TNIK: variants seen among roughly 807,000 people sequenced by gnomAD.
TNIK encodes the protein TRAF2 and NCK-interacting protein kinase.
In TNIK, 49 loss-of-function variants were observed where a neutral mutation model predicts 191.3. That is an observed-to-expected ratio of 0.26 (90% CI 0.20 to 0.32). The LOEUF is 0.32. Ranked by LOEUF, TNIK falls within the 10% of genes least tolerant of loss-of-function variation. The pLI, the probability that TNIK is intolerant of heterozygous loss-of-function variation, is 1.00. For missense variants in TNIK, 1,155 were observed against 1,702.3 expected (o/e 0.68, Z 5.66); for synonymous variants, 594 against 600.9 (o/e 0.99, Z 0.17).
At chr3:171,221,439 C>T (rs927370695) in intron 3 of TNIK, among the ~76,000 whole-genome samples, 21 of 152,102 alleles carry the variant, frequency 1.4e-4, no homozygotes, top group African/African-American at 5.1e-4. Context: ...ACATAGCTGT[C>T]ACTTTCTCAG....
chr3:171,213,902 C>T (rs1361785894), intron 3 of TNIK, among the ~76,000 whole-genome samples: 1 of 151,934 alleles, frequency 6.6e-6, no homozygotes, highest in Non-Finnish European at 1.5e-5. Flanking sequence ...ACTTAGATAA[C>T]GGATGTATGT....
At chr3:171,293,172 GA>G (rs1751880019) in intron 2 of TNIK, among the ~76,000 whole-genome samples, 1 of 152,130 alleles carries the variant, frequency 6.6e-6, no homozygotes, top group Non-Finnish European at 1.5e-5. Flanking sequence ...ACTAGAGGAG[GA>G]AACCACAAAT....
intron 2 of TNIK, among the ~76,000 whole-genome samples, chr3:171,343,926 C>G (rs1711715577): frequency 6.6e-6 from 1 of 152,194 alleles, no homozygotes; most frequent in Non-Finnish European, 1.5e-5. Context: ...TCATATGACT[C>G]TGCTCAACCA....
In TNIK at chr3:171,061,661, G is replaced by A. The variant is rs1309312881; in HGVS notation, c.*2220C>T. ...TGCAACATAATTTAAAGAAGCTTCT[G>A]GTTTAAAATACCACAGCAGCAATAT... is the stretch of plus-strand genomic sequence containing the variant. On this transcript the variant is annotated 3_prime_UTR_variant, in exon 33 of 33. Transcript: ENST00000436636. The A allele has an allele frequency of 6.6e-6, 1 of 152,134 alleles. No individual in the cohort carries two copies. The highest frequency in any genetic ancestry group is 1.5e-5 in the Non-Finnish European group (1 of 68,014). The allele number at this position is 152,134 out of a possible 1,614,324, so 9.4% of individuals were successfully genotyped here. A position where few individuals can be genotyped will look rare whatever the true frequency, so the allele number is the denominator to read the frequency against.
Position 171,425,542 on chromosome 3 carries a change from A to G in TNIK, c.57+34465T>C, listed in dbSNP as rs182063990. ...GATTCTATTTGTCCAAAAAAAGGGA[A>G]GAGCTGGGCATGGTGGCTCACGCCT... On this transcript the variant is annotated intron_variant, in intron 1 of 32. Coordinates refer to ENST00000436636, the MANE Select transcript of TNIK (RefSeq NM_015028.4). 2.7e-3 allele frequency among the ~76,000 whole-genome samples: 406 copies of G among 152,256 alleles called. 2 individuals are homozygous for G. Among genetic ancestry groups the G allele is most frequent in the African/African-American group, 9.5e-3 (394 of 41,570 alleles).
chr3:171,158,280 C>G (rs1264897526), intron 11 of TNIK, among the ~76,000 whole-genome samples: 2 of 152,232 alleles, frequency 1.3e-5, no homozygotes, highest in Non-Finnish European at 2.9e-5. Context: ...CTTGGTTTGG[C>G]TCTGGCCACA....
At chr3:171,401,552 G>A (rs149964155) in intron 1 of TNIK, among the ~76,000 whole-genome samples, 1 of 152,070 alleles carries the variant, frequency 6.6e-6, no homozygotes, top group Non-Finnish European at 1.5e-5. Context: ...AGAAGTAGAG[G>A]GCTTAGGGAG....
At chr3:171,082,942 A>G (rs1234762888) in intron 26 of TNIK, among the ~76,000 whole-genome samples, 4 of 152,114 alleles carry the variant, frequency 2.6e-5, no homozygotes. Flanking sequence ...GAAATGATAA[A>G]CCCATTCAAG....
At chr3:171,223,881 G>A (rs1486884439) in intron 3 of TNIK, among the ~76,000 whole-genome samples, 2 of 152,052 alleles carry the variant, frequency 1.3e-5, no homozygotes, top group African/African-American at 2.4e-5. Flanking sequence ...GAATTCTCCT[G>A]TTTTTGCCCA....
chr3:171,086,028 C>T (rs1212058107), intron 24 of TNIK, among the ~76,000 whole-genome samples: 3 of 152,174 alleles, frequency 2.0e-5, no homozygotes. Flanking sequence ...GCTGAATAAG[C>T]TGCAATGTCA....
At chr3:171,133,765 A>G (rs1729620516) in intron 15 of TNIK, among the ~76,000 whole-genome samples, 1 of 152,216 alleles carries the variant, frequency 6.6e-6, no homozygotes, top group Admixed American at 6.5e-5. Context: ...TATAAAAGGA[A>G]AAAGAAATCA....
intron 15 of TNIK, 116 bp from the exon 16 acceptor site, chr3:171,128,994 T>A: frequency 7.1e-7 from 1 of 1,401,166 alleles, no homozygotes; most frequent in South Asian, 1.6e-5. Flanking sequence ...TCTGATCAAC[T>A]GATTTTAAGA....
chr3:171,392,733 C>T (rs1403818446), intron 1 of TNIK, among the ~76,000 whole-genome samples: 1 of 147,372 alleles, frequency 6.8e-6, no homozygotes, highest in Admixed American at 6.8e-5. Context: ...GAGCCGAGAT[C>T]GTGCCATTGC....
At chr3:171,288,611 A>G (rs1340161357) in intron 2 of TNIK, among the ~76,000 whole-genome samples, 3 of 152,098 alleles carry the variant, frequency 2.0e-5, no homozygotes, top group African/African-American at 7.2e-5. Context: ...GATCAAGACC[A>G]TCCTGGCTAA....
chr3:171,283,874 A>G (rs1750740753), intron 2 of TNIK, among the ~76,000 whole-genome samples: 1 of 152,244 alleles, frequency 6.6e-6, no homozygotes, highest in Non-Finnish European at 1.5e-5. Flanking sequence ...TCTCTCAGCC[A>G]TCTTCCAGGT....
intron 1 of TNIK, among the ~76,000 whole-genome samples, chr3:171,441,607 C>T (rs1288142064): frequency 6.6e-6 from 1 of 152,144 alleles, no homozygotes; most frequent in Non-Finnish European, 1.5e-5. Context: ...AATGATGCTC[C>T]TCATGAACAC....
intron 2 of TNIK, among the ~76,000 whole-genome samples, chr3:171,274,534 T>C (rs1219342977): frequency 1.3e-5 from 2 of 152,136 alleles, no homozygotes; most frequent in Non-Finnish European, 2.9e-5. Context: ...AATATAAAAA[T>C]GTTATAATAT....
At chr3:171,103,169 A>G (rs993342638) in intron 21 of TNIK, among the ~76,000 whole-genome samples, 1 of 151,870 alleles carries the variant, frequency 6.6e-6, no homozygotes, top group African/African-American at 2.4e-5. Flanking sequence ...ACAGAAACAC[A>G]CTTGGCTAGG....
chr3:171,289,144 T>TG (rs1472701213), intron 2 of TNIK, among the ~76,000 whole-genome samples: 1 of 151,992 alleles, frequency 6.6e-6, no homozygotes, highest in Non-Finnish European at 1.5e-5. Context: ...GTAGATGAAG[T>TG]GGGGGTAAGA....
Sources: gnomAD v4.1 joint callset for allele counts (sites outside exome capture counted in the v4.1 genomes callset) on GRCh38, gnomAD v4.1.1 for gene constraint, MANE v1.5 for transcripts, NCBI Gene and HGNC (gene_info 2026-07-23, HGNC 2026-07-21) for gene names.